Variants in ZHX1 observed in about 807,000 individuals in gnomAD.
ZHX1 encodes zinc fingers and homeoboxes 1.
In ZHX1, 20 loss-of-function variants were observed where a neutral mutation model predicts 61.8. The observed-to-expected ratio is 0.32, with a 90% confidence interval of 0.23 to 0.47. The LOEUF (loss-of-function observed/expected upper bound fraction) is 0.47, where lower values mean the gene tolerates loss of function less well. ZHX1 is among the 20% of genes least tolerant of loss of function. The pLI is 1.00. For synonymous variants in ZHX1, 318 were observed against 352.6 expected (o/e 0.90, Z 1.10); for missense variants, 800 against 1,034.8 (o/e 0.77, Z 3.11).
intron 2 of ZHX1, among the ~76,000 whole-genome samples, chr8:123,264,119 T>C (rs1276017023): frequency 6.6e-6 from 1 of 152,208 alleles, no homozygotes; most frequent in Non-Finnish European, 1.5e-5. Flanking sequence ...GAATTGAGTA[T>C]ATTTAAATCT....
Position 123,254,444 on chromosome 8 carries a change from T to C in ZHX1, c.1503A>G (p.Thr501=). 6.2e-7 allele frequency: 1 copy of C among 1,614,188 alleles called. No individual in the cohort carries two copies. The highest frequency in any genetic ancestry group is 8.5e-7 in the Non-Finnish European group (1 of 1,180,006). ...DSEIIRLMKI[T]GLTKGEIKKW... ...TTTTAATCTCTCCTTTCGTCAGGCC[T>C]GTTATTTTCATAAGTCTGATAATTT... The change falls in exon 3 of 4, where the codon ACA becomes ACG. Residue 501 remains threonine, a synonymous_variant. Coordinates refer to ENST00000395571, the MANE Select transcript of ZHX1 (RefSeq NM_007222.5). This position sits in a 1 kb window ranked among gnomAD's most constrained non-coding sequence, Gnocchi z 4.1.
At chr8:123,268,244 T>C (rs1455031167) in intron 1 of ZHX1, among the ~76,000 whole-genome samples, 9 of 152,204 alleles carry the variant, frequency 5.9e-5, no homozygotes, top group Admixed American at 5.9e-4. Context: ...AAATGACTGG[T>C]GTTTAGCCAT....
In ZHX1 at chr8:123,254,894, T is replaced by G. The variant is rs775224132; in HGVS notation, c.1053A>C (p.Ala351=). 4.3e-6 allele frequency: 7 copies of G among 1,614,260 alleles called. No individual in the cohort carries two copies. The South Asian group carries it at 7.7e-5, about 18-fold the overall frequency. Residue 351 remains alanine (A), a synonymous_variant, in exon 3 of 4, where the codon GCA becomes GCC. Coordinates refer to ENST00000395571, the MANE Select transcript of ZHX1 (RefSeq NM_007222.5). This position sits in a 1 kb window ranked among gnomAD's most constrained non-coding sequence, Gnocchi z 4.1. The stretch of plus-strand genomic sequence containing the variant: ...CTGTTCCATTGAATTGTTTCCTTCT[T>G]GCCTCCTCTACTTCCTCGGGAGTCC... ...VSWTPEEVEE[A]RRKQFNGTVH...
At chr8:123,273,865 G>A (rs1013951047) in intron 1 of ZHX1, 1 of 152,534 alleles carries the variant, frequency 6.6e-6, no homozygotes, top group Admixed American at 6.5e-5. Context: ...CACCAAGGCA[G>A]GGGGCTGAGA....
chr8:123,267,200 A>G (rs1023020413), intron 2 of ZHX1, 73 bp downstream of exon 2: 15 of 1,385,118 alleles, frequency 1.1e-5, no homozygotes, highest in East Asian at 2.5e-5. Flanking sequence ...TTAGACAAAT[A>G]TAGTATCATG....
At chr8:123,251,540 A>T (rs1370915937) in intron 3 of ZHX1, among the ~76,000 whole-genome samples, 1 of 152,054 alleles carries the variant, frequency 6.6e-6, no homozygotes, top group Non-Finnish European at 1.5e-5. Context: ...AATTCACATT[A>T]TTTTTGGAAG....
At chr8:123,272,121 A>C (rs1377740675) in intron 1 of ZHX1, among the ~76,000 whole-genome samples, 1 of 152,274 alleles carries the variant, frequency 6.6e-6, no homozygotes, top group Non-Finnish European at 1.5e-5. Context: ...TGTATCTTTA[A>C]AACATTTCCA....
chr8:123,259,647 T>C (rs150398917), intron 2 of ZHX1, among the ~76,000 whole-genome samples: 80 of 152,290 alleles, frequency 5.3e-4, no homozygotes, highest in African/African-American at 1.8e-3. Context: ...GTAAAGGGAA[T>C]TGTTGAAAGG....
rs139687816 is a variant in ZHX1 at position 123,254,436 on chromosome 8, G to T, written c.1511C>A (p.Thr504Lys). The T allele has an allele frequency of 6.2e-7, 1 of 1,614,000 alleles. No homozygotes were observed. Among genetic ancestry groups the T allele is most frequent in the South Asian group, 1.1e-5 (1 of 91,082 alleles). Residue 504 changes from threonine to lysine, a missense_variant, in exon 3 of 4, where the codon ACG becomes AAG. Physicochemically the swap from Thr to Lys is moderately conservative, Grantham distance 78 (BLOSUM62 -1). Coordinates refer to ENST00000395571, the MANE Select transcript of ZHX1 (RefSeq NM_007222.5). The surrounding 1 kb of genome is among the most constrained non-coding windows in gnomAD (Gnocchi z 4.1). ...IIRLMKITGLTKGEIKKWFSD... is the reference protein window; with the variant it reads ...IIRLMKITGLKKGEIKKWFSD... ...AAACCATTTTTTAATCTCTCCTTTC[G>T]TCAGGCCTGTTATTTTCATAAGTCT...
intron 2 of ZHX1, among the ~76,000 whole-genome samples, chr8:123,266,791 GTATT>G (rs932753706): frequency 3.3e-5 from 5 of 152,144 alleles, no homozygotes; most frequent in Non-Finnish European, 7.4e-5. Context: ...ATAAGTAAGA[GTATT>G]TAATTAATAT....
chr8:123,257,156 T>C (rs1826096622), intron 2 of ZHX1: 1 of 152,142 alleles, frequency 6.6e-6, no homozygotes, highest in East Asian at 1.9e-4. Context: ...TGACCTCAGG[T>C]GATCTGTCCG....
rs780372539 is a variant in ZHX1, at chr8:123,255,475, C to T, written c.472G>A (p.Val158Ile). The change falls in exon 3 of 4, where the codon GTT becomes ATT. Residue 158 changes from valine (V) to isoleucine (I), a missense_variant. By Grantham distance (29) the Val-to-Ile change is conservative (BLOSUM62 3). Transcript: ENST00000395571. ...INDLTFDGSF[V>I]KEENAEQAES... ...GCTTGCTCTGCATTCTCCTCTTTAA[C>T]AAAACTACCATCAAAAGTCAGATCA... 8 of 1,613,328 alleles carry T rather than the reference C, an allele frequency of 5.0e-6. No individual in the cohort carries two copies. Among genetic ancestry groups the T allele is most frequent in the Non-Finnish European group, 6.8e-6 (8 of 1,180,014 alleles).
chr8:123,273,310 G>A (rs558701435), intron 1 of ZHX1, among the ~76,000 whole-genome samples: 49 of 152,270 alleles, frequency 3.2e-4, no homozygotes, highest in African/African-American at 1.1e-3. Flanking sequence ...GGATCTGCCA[G>A]GGCTCTTCTT....
intron 1 of ZHX1, among the ~76,000 whole-genome samples, chr8:123,272,297 A>C (rs1457557368): frequency 6.6e-6 from 1 of 152,246 alleles, no homozygotes; most frequent in Non-Finnish European, 1.5e-5. Context: ...TTGATAACTG[A>C]AATGCTATCA....
chr8:123,261,816 CT>C (rs892135946), intron 2 of ZHX1, among the ~76,000 whole-genome samples: 39 of 151,978 alleles, frequency 2.6e-4, no homozygotes, highest in Middle Eastern at 3.4e-3. Context: ...AATTCTCTCA[CT>C]TTTTTTTAGC....
chr8:123,248,568 G>A lies in ZHX1; in HGVS notation c.*1756C>T, dbSNP rs986400833. 1.3e-5 allele frequency: 2 copies of A among 152,124 alleles called. No homozygotes were observed. Among genetic ancestry groups the A allele is most frequent in the African/African-American group, 4.8e-5 (2 of 41,262 alleles). 9.4% of individuals were successfully genotyped at this position (152,124 alleles called of 1,614,324 possible). A position where few individuals can be genotyped will look rare whatever the true frequency, so the allele number is the denominator to read the frequency against. On this transcript the variant is annotated 3_prime_UTR_variant, in exon 4 of 4. Transcript: ENST00000395571. The stretch of plus-strand genomic sequence containing the variant: ...AAAAGCTAGCAAACGTCAGAGAAGA[G>A]TTTTATCAGGCCTATAAAAGAGATG...
chr8:123,271,627 T>G (rs189481884), intron 1 of ZHX1, among the ~76,000 whole-genome samples: 1 of 152,306 alleles, frequency 6.6e-6, no homozygotes, highest in Admixed American at 6.5e-5. Context: ...TCACATTTTA[T>G]GCTTAATTAG....
At chr8:123,256,939 G>C (rs1223281435) in intron 2 of ZHX1, 1 of 151,838 alleles carries the variant, frequency 6.6e-6, no homozygotes, top group Non-Finnish European at 1.5e-5. Flanking sequence ...TATTTTTTGA[G>C]ACAGAGTCTC....
In ZHX1 at chr8:123,254,477, A is replaced by G; in HGVS notation, c.1470T>C (p.His490=). The G allele has an allele frequency of 1.2e-6, 2 of 1,613,900 alleles. No homozygotes were observed. Among genetic ancestry groups the G allele is most frequent in the South Asian group, 1.1e-5 (1 of 91,006 alleles). The change falls in exon 3 of 4, where the codon CAT becomes CAC. Residue 490 remains histidine, a synonymous_variant. Coordinates refer to ENST00000395571, the MANE Select transcript of ZHX1 (RefSeq NM_007222.5). The surrounding 1 kb of genome is among the most constrained non-coding windows in gnomAD (Gnocchi z 4.1). The part of the protein sequence containing the change: ...KVSYLKNQFP[H]DSEIIRLMKI... Reference sequence around the variant, plus strand: ...TCATAAGTCTGATAATTTCTGAATCATGGGGAAACTGATTTTTAAGGTAGC... The same window carrying G: ...TCATAAGTCTGATAATTTCTGAATCGTGGGGAAACTGATTTTTAAGGTAGC...
Sources: allele counts gnomAD v4.1 joint callset (sites outside exome capture counted in the v4.1 genomes callset), GRCh38; gene constraint gnomAD v4.1.1; non-coding constraint Gnocchi (gnomAD v3.1); transcripts MANE v1.5; gene names NCBI Gene and HGNC (gene_info 2026-07-23, HGNC 2026-07-21).